The following LRRC8D variants were observed in gnomAD, a reference collection of about 807,000 sequenced individuals.
LRRC8D encodes the protein leucine rich repeat containing 8 VRAC subunit D.
A neutral mutation model predicts 55.8 loss-of-function variants in LRRC8D; 20 were observed. The ratio of observed to expected loss-of-function variants is 0.36; its 90% CI spans 0.25 to 0.52. The LOEUF (loss-of-function observed/expected upper bound fraction) is 0.52, where lower values mean the gene tolerates loss of function less well. Ranked by LOEUF, LRRC8D falls within the 20% of genes least tolerant of loss-of-function variation. The pLI, the probability that LRRC8D is intolerant of heterozygous loss-of-function variation, is 0.93. For missense variants in LRRC8D, 651 were observed against 1,030.8 expected, an observed-to-expected ratio of 0.63 and a Z score of 5.05; for synonymous variants, 352 against 377.0, an observed-to-expected ratio of 0.93 and a Z score of 0.77.
intron 2 of LRRC8D, among the ~76,000 whole-genome samples, chr1:89,904,954 T>A (rs1271358216): frequency 6.6e-6 from 1 of 152,064 alleles, no homozygotes; most frequent in Non-Finnish European, 1.5e-5. Context: ...GCACAGCTGA[T>A]TTTTTAGTTG....
intron 2 of LRRC8D, among the ~76,000 whole-genome samples, chr1:89,893,156 G>A (rs913927052): frequency 3.9e-5 from 6 of 152,094 alleles, no homozygotes; most frequent in African/African-American, 1.4e-4. Flanking sequence ...AATGAGATGG[G>A]GACTAATCAG....
chr1:89,872,948 G>C (rs959299659), intron 2 of LRRC8D, among the ~76,000 whole-genome samples: 1 of 152,176 alleles, frequency 6.6e-6, no homozygotes, highest in South Asian at 2.1e-4. Context: ...ATAGCATCTT[G>C]GGAATTTTAG....
chr1:89,904,891 C>A (rs557361730), intron 2 of LRRC8D, among the ~76,000 whole-genome samples: 1 of 151,990 alleles, frequency 6.6e-6, no homozygotes, highest in African/African-American at 2.4e-5. Context: ...AAATGTTGAC[C>A]GCGTTAAAGT....
chr1:89,860,155 G>A (rs1173739661), intron 2 of LRRC8D, among the ~76,000 whole-genome samples: 1 of 152,180 alleles, frequency 6.6e-6, no homozygotes, highest in East Asian at 1.9e-4. Flanking sequence ...TGCTGAGCAA[G>A]AAAGCTTACA....
chr1:89,848,544 A>G (rs191562991), intron 2 of LRRC8D, among the ~76,000 whole-genome samples: 4 of 152,102 alleles, frequency 2.6e-5, no homozygotes, highest in Non-Finnish European at 5.9e-5. Flanking sequence ...TGGAAATCTA[A>G]TAGGGTTATT....
chr1:89,862,085 A>G (rs1661732601), intron 2 of LRRC8D, among the ~76,000 whole-genome samples: 1 of 152,244 alleles, frequency 6.6e-6, no homozygotes, highest in Non-Finnish European at 1.5e-5. Flanking sequence ...TACACACTTC[A>G]TGACTAAAAG....
At chr1:89,932,980 T>G in intron 2 of LRRC8D, 87 bp from the exon 3 acceptor site, 1 of 1,170,114 alleles carries the variant, frequency 8.5e-7, no homozygotes, top group Non-Finnish European at 1.2e-6. Flanking sequence ...TGAGAAAACT[T>G]TAGTTAGGAG....
chr1:89,892,518 T>C (rs1012343068), intron 2 of LRRC8D, among the ~76,000 whole-genome samples: 1 of 152,128 alleles, frequency 6.6e-6, no homozygotes. Flanking sequence ...TAGATTGATA[T>C]TTCCTTTTTT....
chr1:89,921,736 G>A (rs1438701128), intron 2 of LRRC8D, among the ~76,000 whole-genome samples: 1 of 152,058 alleles, frequency 6.6e-6, no homozygotes. Flanking sequence ...GTAGAGTCAT[G>A]GTTTCACATG....
chr1:89,924,478 T>G (rs1044865205), intron 2 of LRRC8D, among the ~76,000 whole-genome samples: 1 of 152,194 alleles, frequency 6.6e-6, no homozygotes, highest in Non-Finnish European at 1.5e-5. Flanking sequence ...GGGATGTAAA[T>G]TAGTTCAGCC....
chr1:89,872,449 A>G (rs1032734729), intron 2 of LRRC8D, among the ~76,000 whole-genome samples: 1 of 152,234 alleles, frequency 6.6e-6, no homozygotes, highest in Non-Finnish European at 1.5e-5. Context: ...GGCAGTGACC[A>G]GGACTTCATT....
At chr1:89,824,846 T>C (rs558453220) in intron 1 of LRRC8D, among the ~76,000 whole-genome samples, 1 of 152,234 alleles carries the variant, frequency 6.6e-6, no homozygotes, top group Non-Finnish European at 1.5e-5. Context: ...GTAAGACAGC[T>C]GTTTGCTGAG....
rs71584958 is a variant in LRRC8D, at chr1:89,907,183, C to CTTTTTTT, written c.-2-25864_-2-25858dup. ...TTGGGCTTCCTGTCTTCCACTGTGT[C>CTTTTTTT]TTTTTTTTTTTTTTTTTTTTTTTTT... On this transcript the variant is annotated intron_variant, in intron 2 of 2. Transcript: ENST00000337338. Among the ~76,000 whole-genome samples the CTTTTTTT allele has an allele frequency of 5.7e-5, 4 of 69,812 alleles. 1 individual carries two copies. Among genetic ancestry groups the CTTTTTTT allele is most frequent in the Non-Finnish European group, 1.1e-4 (4 of 36,012 alleles). The allele number at this position is 69,812 out of a possible 152,430, so 45.8% of individuals were successfully genotyped here.
At chr1:89,864,446 T>C (rs72716324) in intron 2 of LRRC8D, among the ~76,000 whole-genome samples, 569 of 152,344 alleles carry the variant, frequency 3.7e-3, no homozygotes, top group Non-Finnish European at 6.3e-3. Context: ...ACACTTTCCA[T>C]GATGTATCCT....
intron 2 of LRRC8D, among the ~76,000 whole-genome samples, chr1:89,907,779 T>C (rs1167951598): frequency 6.6e-6 from 1 of 152,218 alleles, no homozygotes; most frequent in Non-Finnish European, 1.5e-5. Context: ...TTAATGTGTT[T>C]ATATGTCACT....
Position 89,926,656 on chromosome 1 carries a change from G to A in LRRC8D, c.-2-6411G>A, listed in dbSNP as rs75380628. Among the ~76,000 whole-genome samples the A allele has an allele frequency of 2.6e-3, 394 of 152,312 alleles. 1 individual carries two copies. The highest frequency in any genetic ancestry group is 9.1e-3 in the African/African-American group (378 of 41,562). On this transcript the variant is annotated intron_variant, in intron 2 of 2. Coordinates refer to ENST00000337338, the MANE Select transcript of LRRC8D (RefSeq NM_001134479.2). ...CACTCTCACTTAATTAGCTCAGAGA[G>A]GTCATTTAAGCTTTTTGAGCCTCAG...
At chr1:89,821,469 A>G (rs896451552) in intron 1 of LRRC8D, among the ~76,000 whole-genome samples, 178 bp downstream of exon 1, 12 of 152,026 alleles carry the variant, frequency 7.9e-5, no homozygotes, top group African/African-American at 2.9e-4. Context: ...CGGCGAGCGG[A>G]GTGGGCTCCC....
intron 2 of LRRC8D, among the ~76,000 whole-genome samples, chr1:89,898,883 A>G (rs185340252): frequency 6.6e-6 from 1 of 152,332 alleles, no homozygotes; most frequent in African/African-American, 2.4e-5. Flanking sequence ...TTCCATCTCT[A>G]TGAAAGCCAG....
At chr1:89,863,400 T>G (rs1299815464) in intron 2 of LRRC8D, among the ~76,000 whole-genome samples, 1 of 152,168 alleles carries the variant, frequency 6.6e-6, no homozygotes, top group African/African-American at 2.4e-5. Context: ...GGCTGAGCTG[T>G]GTGTTGAAGC....
Sources: gnomAD v4.1 joint callset for allele counts (sites outside exome capture counted in the v4.1 genomes callset) on GRCh38, gnomAD v4.1.1 for gene constraint, MANE v1.5 for transcripts, NCBI Gene and HGNC (gene_info 2026-07-23, HGNC 2026-07-21) for gene names.